Variants in SMOX observed in about 807,000 individuals in gnomAD.
SMOX encodes the protein spermine oxidase.
A neutral mutation model predicts 51.0 loss-of-function variants in SMOX; 22 were observed. The ratio of observed to expected loss-of-function variants is 0.43; its 90% CI spans 0.31 to 0.62. The LOEUF (loss-of-function observed/expected upper bound fraction) is 0.62, where lower values mean the gene tolerates loss of function less well. Among genes scored for constraint, SMOX ranks in the 20% least tolerant of loss-of-function variants. The probability of loss-of-function intolerance (pLI) is 0.10; values close to 1 mark genes in which losing one functional copy is unlikely to be tolerated. For missense variants in SMOX, 566 were observed against 777.7 expected (o/e 0.73, Z 3.24); for synonymous variants, 282 against 307.8 (o/e 0.92, Z 0.88).
Position 4,172,716 on chromosome 20 carries a change from G to A in SMOX, c.-26-2314G>A, listed in dbSNP as rs1978504574. Among the ~76,000 whole-genome samples, 2 of 151,300 alleles carry A rather than the reference G, an allele frequency of 1.3e-5. No homozygotes were observed. The highest frequency in any genetic ancestry group is 2.9e-5 in the Non-Finnish European group (2 of 67,908). On this transcript the variant is annotated intron_variant, in intron 1 of 6. Transcript: ENST00000305958. This position sits in a 1 kb window ranked among gnomAD's most constrained non-coding sequence, Gnocchi z 7.7. ...CTCCGGGTCTCGGGCGCCACCTACC[G>A]GCCCTTTTGGGAACCGATTCTGCAC...
rs1288759281 is a variant in SMOX, at chr20:4,175,248, CA to C, written c.194del (p.Gln65ArgfsTer3). On this transcript the variant is annotated frameshift_variant, in exon 2 of 7. Coordinates refer to ENST00000305958, the MANE Select transcript of SMOX (RefSeq NM_175839.3). LOFTEE classifies it high-confidence loss of function. ...TTCCAGCCACATCGGAGGCCGTGTG[CA>C]GAGTGTGAAACTTGGTAAGTGCCAC... The part of the protein sequence containing the change: ...EASSHIGGRV[Q>X]SVKLGHATFE... 6.2e-7 allele frequency: 1 copy of C among 1,614,008 alleles called. No individual in the cohort carries two copies. The highest frequency in any genetic ancestry group is 8.5e-7 in the Non-Finnish European group (1 of 1,180,036).
At chr20:4,168,865 C>G (rs565104615) in intron 1 of SMOX, among the ~76,000 whole-genome samples, 1 of 151,082 alleles carries the variant, frequency 6.6e-6, no homozygotes, top group South Asian at 2.1e-4. Flanking sequence ...CTCTCTCTCT[C>G]TTTTTAAAAT....
intron 1 of SMOX, among the ~76,000 whole-genome samples, chr20:4,164,539 AC>A (rs1986470129): frequency 6.6e-6 from 1 of 152,234 alleles, no homozygotes; most frequent in Admixed American, 6.5e-5. Context: ...AAGCTGTGGT[AC>A]TATAAGGTGT....
At chr20:4,159,337 C>T (rs900762588) in intron 1 of SMOX, among the ~76,000 whole-genome samples, 2 of 152,176 alleles carry the variant, frequency 1.3e-5, no homozygotes, top group Admixed American at 6.5e-5. Context: ...GTCTCAAACT[C>T]CTGACTTCAA....
chr20:4,173,821 G>C (rs1462721550), intron 1 of SMOX, among the ~76,000 whole-genome samples: 1 of 152,246 alleles, frequency 6.6e-6, no homozygotes, highest in African/African-American at 2.4e-5. Flanking sequence ...TGAGCTGAGT[G>C]GTTCCTCAGG....
In SMOX at chr20:4,183,442, A is replaced by G. The variant is rs770232675; in HGVS notation, c.1370-52A>G. On this transcript the variant is annotated intron_variant, in intron 5 of 6. Coordinates refer to ENST00000305958, the MANE Select transcript of SMOX (RefSeq NM_175839.3). This position sits in a 1 kb window ranked among gnomAD's most constrained non-coding sequence, Gnocchi z 4.3. ...TTGTCCCTTTGGGGTCATCTTCCAT[A>G]TGCAGCCATTTCTTATCCTCCCTCC... 1.9e-6 allele frequency: 3 copies of G among 1,613,378 alleles called. No homozygotes were observed. The highest frequency in any genetic ancestry group is 2.5e-6 in the Non-Finnish European group (3 of 1,179,654).
intron 6 of SMOX, among the ~76,000 whole-genome samples, chr20:4,184,508 A>T (rs913400630): frequency 6.6e-6 from 1 of 151,986 alleles, no homozygotes; most frequent in African/African-American, 2.4e-5. Context: ...CTAAAAAAAA[A>T]AAATCTGAAA....
Position 4,170,730 on chromosome 20 carries a change from C to G in SMOX, c.-26-4300C>G, listed in dbSNP as rs976593523. 8.5e-5 allele frequency among the ~76,000 whole-genome samples: 13 copies of G among 152,098 alleles called. No homozygotes were observed. Among genetic ancestry groups the G allele is most frequent in the African/African-American group, 2.9e-4 (12 of 41,404 alleles). On this transcript the variant is annotated intron_variant, in intron 1 of 6. Transcript: ENST00000305958. This position sits in a 1 kb window ranked among gnomAD's most constrained non-coding sequence, Gnocchi z 4.6. The stretch of plus-strand genomic sequence containing the variant: ...CTGCCACAGGACGGGGTTTTTCCTC[C>G]CTCTTTTCCTCTCTCCATACCCTGC...
rs780896172 is a variant in SMOX at position 4,181,782 on chromosome 20, C to T, written c.436-21C>T. On this transcript the variant is annotated intron_variant, in intron 3 of 6. Transcript: ENST00000305958. This position sits in a 1 kb window ranked among gnomAD's most constrained non-coding sequence, Gnocchi z 5.6. ...GGAGGTGTGATGAGGTGTTTTCAGT[C>T]TCATGGGGTCTCTCTGGCAGGTCTA... 3.1e-6 allele frequency: 5 copies of T among 1,610,198 alleles called. No homozygotes were observed. Among genetic ancestry groups the T allele is most frequent in the Non-Finnish European group, 3.4e-6 (4 of 1,178,022 alleles).
rs113223270 is a variant in SMOX at position 4,181,628 on chromosome 20, G to A, written c.436-175G>A. Among the ~76,000 whole-genome samples the A allele has an allele frequency of 0.016, 2,467 of 152,280 alleles. 73 individuals carry two copies. Among genetic ancestry groups the A allele is most frequent in the African/African-American group, 0.056 (2,341 of 41,556 alleles). ...GCCGGAGGCGAGGAGGTGGCTGCCC[G>A]GGGCCTTGGCTTTTGGTGCAGCATT... On this transcript the variant is annotated intron_variant, in intron 3 of 6. Coordinates refer to ENST00000305958, the MANE Select transcript of SMOX (RefSeq NM_175839.3). The surrounding 1 kb of genome is among the most constrained non-coding windows in gnomAD (Gnocchi z 5.6).
At chr20:4,158,847 G>C (rs1337615631) in intron 1 of SMOX, among the ~76,000 whole-genome samples, 1 of 152,030 alleles carries the variant, frequency 6.6e-6, no homozygotes, top group Non-Finnish European at 1.5e-5. Context: ...TCTGATCCTG[G>C]CGGGTGGTGG....
At chr20:4,163,331 C>T (rs1986420231) in intron 1 of SMOX, among the ~76,000 whole-genome samples, 1 of 152,196 alleles carries the variant, frequency 6.6e-6, no homozygotes, top group Non-Finnish European at 1.5e-5. Flanking sequence ...GTTCCTGTCT[C>T]TTGGGCCTTA....
intron 1 of SMOX, among the ~76,000 whole-genome samples, chr20:4,168,118 T>TGGGGGTGG (rs1568736862): frequency 1.9e-3 from 14 of 7,350 alleles, no homozygotes; most frequent in African/African-American, 4.3e-3. Flanking sequence ...AAGAGCGGGG[T>TGGGGGTGG]AGGGGTGGGG....
In SMOX at chr20:4,182,623, A is replaced by G; in HGVS notation, c.1144A>G (p.Asn382Asp). The G allele has an allele frequency of 1.2e-6, 2 of 1,614,046 alleles. No individual in the cohort carries two copies. Among genetic ancestry groups the G allele is most frequent in the Non-Finnish European group, 1.7e-6 (2 of 1,180,008 alleles). The change falls in exon 5 of 7, where the codon AAC becomes GAC. Residue 382 changes from asparagine (N) to aspartate (D), a missense_variant. Asn to Asp is a conservative substitution (Grantham distance 23). Transcript: ENST00000305958. This position sits in a 1 kb window ranked among gnomAD's most constrained non-coding sequence, Gnocchi z 8.4. ...FEEPFWGPEC[N>D]SLQFVWEDEA... The stretch of plus-strand genomic sequence containing the variant: ...GGAGCCCTTCTGGGGCCCTGAGTGC[A>G]ACAGCCTACAGTTTGTGTGGGAGGA...
intron 1 of SMOX, among the ~76,000 whole-genome samples, chr20:4,160,408 G>A (rs1986251247): frequency 6.6e-6 from 1 of 152,222 alleles, no homozygotes; most frequent in Non-Finnish European, 1.5e-5. Flanking sequence ...GAGTAGGGGG[G>A]CCTGAGGTCG....
Position 4,181,823 on chromosome 20 carries a change from G to T in SMOX, c.456G>T (p.Glu152Asp). ...GGCAGGTCTATAACTTGACCCAGGA[G>T]TTCTTCCGGCACGATAAACCAGTCA... Reference protein sequence around the residue: ...LYNEVYNLTQEFFRHDKPVNA... With the variant: ...LYNEVYNLTQDFFRHDKPVNA... Residue 152 changes from glutamate to aspartate, a missense_variant, in exon 4 of 7, where the codon GAG (glutamate) becomes GAT (aspartate). Physicochemically the swap from Glu to Asp is conservative, Grantham distance 45. Coordinates refer to ENST00000305958, the MANE Select transcript of SMOX (RefSeq NM_175839.3). The surrounding 1 kb of genome is among the most constrained non-coding windows in gnomAD (Gnocchi z 5.6). The T allele has an allele frequency of 6.2e-7, 1 of 1,614,104 alleles. No individual in the cohort carries two copies. Among genetic ancestry groups the T allele is most frequent in the Non-Finnish European group, 8.5e-7 (1 of 1,180,002 alleles).
chr20:4,150,824 C>A (rs1482822507), intron 1 of SMOX, among the ~76,000 whole-genome samples: 1 of 107,680 alleles, frequency 9.3e-6, no homozygotes, highest in African/African-American at 3.8e-5. Flanking sequence ...CATCTACTCA[C>A]TTTTTTTTTT....
intron 1 of SMOX, among the ~76,000 whole-genome samples, chr20:4,162,929 C>T (rs778635300): frequency 5.3e-5 from 8 of 152,108 alleles, no homozygotes; most frequent in East Asian, 1.9e-4. Flanking sequence ...CTGTGTGTGT[C>T]GGTGTGTGAG....
intron 1 of SMOX, among the ~76,000 whole-genome samples, chr20:4,164,622 G>T (rs894886833): frequency 2.0e-5 from 3 of 151,230 alleles, no homozygotes; most frequent in Non-Finnish European, 4.4e-5. Context: ...TTCATGATTT[G>T]TGTGTGTGTG....
Sources: allele counts gnomAD v4.1 joint callset (sites outside exome capture counted in the v4.1 genomes callset), GRCh38; gene constraint gnomAD v4.1.1; non-coding constraint Gnocchi (gnomAD v3.1); transcripts MANE v1.5; gene names NCBI Gene and HGNC (gene_info 2026-07-23, HGNC 2026-07-21).